The following SNTG1 variants were observed in gnomAD, a reference collection of about 807,000 sequenced individuals.
SNTG1 encodes gamma-1-syntrophin.
A neutral mutation model predicts 74.7 loss-of-function variants in SNTG1; 39 were observed. That is an observed-to-expected ratio of 0.52 (90% CI 0.40 to 0.68). The LOEUF (loss-of-function observed/expected upper bound fraction) is 0.68, where lower values mean the gene tolerates loss of function less well. Ranked by LOEUF, SNTG1 falls within the 30% of genes least tolerant of loss-of-function variation. The pLI, the probability that SNTG1 is intolerant of heterozygous loss-of-function variation, is 0.00. For synonymous variants in SNTG1, 254 were observed against 217.1 expected (o/e 1.17, Z -1.49); for missense variants, 685 against 609.5 (o/e 1.12, Z -1.30).
intron 1 of SNTG1, among the ~76,000 whole-genome samples, chr8:50,065,874 A>AG (rs1820857763): frequency 2.0e-5 from 3 of 152,140 alleles, no homozygotes; most frequent in Non-Finnish European, 2.9e-5. Context: ...TGTCTAGAAG[A>AG]CTAAGTCTAT....
chr8:50,426,258 C>T (rs1419576916), intron 4 of SNTG1, among the ~76,000 whole-genome samples: 2 of 152,028 alleles, frequency 1.3e-5, no homozygotes, highest in Non-Finnish European at 2.9e-5. Context: ...GTCTGTGACA[C>T]TGTATAAGAA....
intron 1 of SNTG1, among the ~76,000 whole-genome samples, chr8:49,919,138 A>G (rs1197957421): frequency 1.3e-5 from 2 of 151,404 alleles, no homozygotes; most frequent in African/African-American, 2.4e-5. Flanking sequence ...TCTCTTCTTC[A>G]TCTCTTTCTC....
At chr8:50,576,666 G>A (rs1326543190) in intron 12 of SNTG1, among the ~76,000 whole-genome samples, 1 of 151,414 alleles carries the variant, frequency 6.6e-6, no homozygotes, top group East Asian at 1.9e-4. Context: ...CATTTTATAA[G>A]CGTTTCACCT....
intron 18 of SNTG1, among the ~76,000 whole-genome samples, chr8:50,788,684 A>G (rs1224168748): frequency 6.6e-6 from 1 of 152,016 alleles, no homozygotes; most frequent in East Asian, 1.9e-4. Context: ...AATGATATCT[A>G]TAAGTTAGTA....
At chr8:50,668,755 G>C (rs2131329155) in intron 15 of SNTG1, among the ~76,000 whole-genome samples, 1 of 151,906 alleles carries the variant, frequency 6.6e-6, no homozygotes, top group African/African-American at 2.4e-5. Flanking sequence ...GTCAGTGATA[G>C]TTTGCTGAGG....
chr8:50,601,903 G>GACAAA (rs2094777857), intron 13 of SNTG1, among the ~76,000 whole-genome samples: 1 of 151,882 alleles, frequency 6.6e-6, no homozygotes, highest in South Asian at 2.1e-4. Context: ...TTTTTGTCTT[G>GACAAA]AAATATATTT....
At position 50,796,627 on chromosome 8, in the gene SNTG1, A is replaced by T. The variant is rs1327737810; in HGVS notation, c.*3798A>T. 1 of 152,060 alleles carries T rather than the reference A, an allele frequency of 6.6e-6. No individual in the cohort carries two copies. Among genetic ancestry groups the T allele is most frequent in the Non-Finnish European group, 1.5e-5 (1 of 67,946 alleles). The allele number at this position is 152,060 out of a possible 1,614,324, so 9.4% of individuals were successfully genotyped here. A position where few individuals can be genotyped will look rare whatever the true frequency, so the allele number is the denominator to read the frequency against. ...CATTCTTTCAGTTCATTAATGTACT[A>T]CTAATGAAACCATACTTTTTTAAAT... is the stretch of plus-strand genomic sequence containing the variant. On this transcript the variant is annotated 3_prime_UTR_variant, in exon 19 of 19. Transcript: ENST00000642720.
chr8:49,997,869 C>T (rs1814378877), intron 1 of SNTG1, among the ~76,000 whole-genome samples: 1 of 152,128 alleles, frequency 6.6e-6, no homozygotes, highest in Non-Finnish European at 1.5e-5. Context: ...CCTAGTCAAC[C>T]AAGACTTCTC....
At chr8:50,007,105 C>G (rs1815311376) in intron 1 of SNTG1, among the ~76,000 whole-genome samples, 2 of 152,096 alleles carry the variant, frequency 1.3e-5, no homozygotes, top group African/African-American at 4.8e-5. Flanking sequence ...GGCTTCTGAT[C>G]AGTCCCCTCT....
intron 18 of SNTG1, among the ~76,000 whole-genome samples, chr8:50,782,072 C>T (rs1016597613): frequency 1.3e-5 from 2 of 152,100 alleles, no homozygotes; most frequent in Non-Finnish European, 2.9e-5. Context: ...GCCGAGATAT[C>T]CACTGTTAGT....
In SNTG1 at chr8:50,054,831, C is replaced by T. The variant is rs34102388; in HGVS notation, c.-102-117730C>T. Among the ~76,000 whole-genome samples, 677 of 152,104 alleles carry T rather than the reference C, an allele frequency of 4.5e-3. 4 individuals are homozygous for T. The highest frequency in any genetic ancestry group is 7.1e-3 in the Non-Finnish European group (483 of 67,988). On this transcript the variant is annotated intron_variant, in intron 1 of 18. Coordinates refer to ENST00000642720, the MANE Select transcript of SNTG1 (RefSeq NM_018967.5). ...AGAATCCAGGTGTGCACCACCATGC[C>T]CAGCTAATTTCTTATTGTTATTTAT...
At chr8:50,693,057 G>A (rs2095389072) in intron 15 of SNTG1, among the ~76,000 whole-genome samples, 1 of 152,214 alleles carries the variant, frequency 6.6e-6, no homozygotes. Context: ...TGAGCCAGGT[G>A]CAGGATATAA....
chr8:50,167,660 A>G (rs969354926), intron 1 of SNTG1, among the ~76,000 whole-genome samples: 3 of 151,776 alleles, frequency 2.0e-5, no homozygotes, highest in African/African-American at 7.3e-5. Flanking sequence ...ACAAAATACA[A>G]AAATTGGCCA....
chr8:50,119,419 T>C (rs2080925664), intron 1 of SNTG1, among the ~76,000 whole-genome samples: 1 of 140,972 alleles, frequency 7.1e-6, no homozygotes, highest in Non-Finnish European at 1.6e-5. Flanking sequence ...AGGATTCCTA[T>C]AGGGGAGTGA....
At chr8:50,164,453 C>CT (rs1334688130) in intron 1 of SNTG1, 2 of 152,152 alleles carry the variant, frequency 1.3e-5, no homozygotes, top group African/African-American at 2.4e-5. Context: ...ATCAGGCAAT[C>CT]TGACTGAAAT....
chr8:50,245,740 A>T (rs964531569), intron 2 of SNTG1, among the ~76,000 whole-genome samples: 1 of 152,078 alleles, frequency 6.6e-6, no homozygotes, highest in African/African-American at 2.4e-5. Context: ...ATAGATGTAA[A>T]GTCCTCTTCT....
At chr8:50,792,108 C>T (rs1363953943) in intron 18 of SNTG1, among the ~76,000 whole-genome samples, 1 of 150,118 alleles carries the variant, frequency 6.7e-6, no homozygotes, top group Non-Finnish European at 1.5e-5. Flanking sequence ...AAATATGCCA[C>T]ATAAACCATT....
At chr8:50,660,916 A>G (rs1374966905) in intron 15 of SNTG1, among the ~76,000 whole-genome samples, 3 of 152,110 alleles carry the variant, frequency 2.0e-5, no homozygotes, top group Non-Finnish European at 4.4e-5. Flanking sequence ...TTTTTCTATG[A>G]CAGTTAATGT....
rs1161961086 is a variant in SNTG1, at chr8:50,210,402, G to A, written c.-28+37767G>A. Among the ~76,000 whole-genome samples the A allele has an allele frequency of 4.6e-5, 7 of 152,134 alleles. No homozygotes were observed. In the East Asian group the frequency reaches 1.4e-3, roughly 29 times the overall value. Reference sequence around the variant, plus strand: ...ACTCCACAAAGATATTCCTCGAGAAGAGCAACTCCAAGACACATAATTGTC... The same window carrying A: ...ACTCCACAAAGATATTCCTCGAGAAAAGCAACTCCAAGACACATAATTGTC... On this transcript the variant is annotated intron_variant, in intron 2 of 18. Transcript: ENST00000642720.
Sources: allele counts gnomAD v4.1 joint callset (sites outside exome capture counted in the v4.1 genomes callset), GRCh38; gene constraint gnomAD v4.1.1; transcripts MANE v1.5; gene names NCBI Gene and HGNC (gene_info 2026-07-23, HGNC 2026-07-21).